The following PHACTR1 variants were observed in gnomAD, a reference collection of about 807,000 sequenced individuals.
PHACTR1 encodes RPEL repeat containing 1.
A neutral mutation model predicts 69.2 loss-of-function variants in PHACTR1; 16 were observed. That is an observed-to-expected ratio of 0.23 (90% CI 0.16 to 0.35). The LOEUF is 0.35. Among genes scored for constraint, PHACTR1 ranks in the 10% least tolerant of loss-of-function variants. The pLI is 1.00. For synonymous variants in PHACTR1, 312 were observed against 284.5 expected (o/e 1.10, Z -0.97); for missense variants, 510 against 734.7 (o/e 0.69, Z 3.54).
intron 4 of PHACTR1, among the ~76,000 whole-genome samples, chr6:12,804,638 A>G (rs9463140): frequency 0.07 from 10,595 of 152,232 alleles, 466 homozygotes; most frequent in Admixed American, 0.1. Flanking sequence ...CTTGGGCAAC[A>G]TGGCGAAACC....
chr6:13,199,402 A>C (rs923457379), intron 7 of PHACTR1, among the ~76,000 whole-genome samples: 3 of 151,076 alleles, frequency 2.0e-5, no homozygotes, highest in Non-Finnish European at 4.4e-5. Context: ...AAAAAAAAAA[A>C]AAAAAAAAAA....
chr6:13,187,592 T>C (rs141163543), intron 7 of PHACTR1, among the ~76,000 whole-genome samples: 1 of 152,286 alleles, frequency 6.6e-6, no homozygotes, highest in East Asian at 1.9e-4. Flanking sequence ...AGGAGTGATA[T>C]GATGAAAACT....
chr6:12,912,820 G>A lies in PHACTR1; in HGVS notation c.251-140545G>A, dbSNP rs557457514. Among the ~76,000 whole-genome samples, 33 of 152,262 alleles carry A rather than the reference G, an allele frequency of 2.2e-4. 1 individual carries two copies. The highest frequency in any genetic ancestry group is 8.3e-4 in the South Asian group (4 of 4,820). ...ATACAAAAAATTAGCCAGGTGTGGT[G>A]GTGCGTGCCTGTAGCCCCAGCTACT... On this transcript the variant is annotated intron_variant, in intron 4 of 14. Coordinates refer to ENST00000332995, the MANE Select transcript of PHACTR1 (RefSeq NM_030948.6).
intron 4 of PHACTR1, among the ~76,000 whole-genome samples, chr6:12,975,999 G>A (rs557840394): frequency 1.2e-4 from 18 of 152,182 alleles, no homozygotes; most frequent in East Asian, 5.8e-4. Context: ...TATATGGGGC[G>A]GGAGGAATGG....
chr6:12,866,463 C>T (rs1202738981), intron 4 of PHACTR1, among the ~76,000 whole-genome samples: 1 of 152,156 alleles, frequency 6.6e-6, no homozygotes, highest in Non-Finnish European at 1.5e-5. Flanking sequence ...CCATTTCTCT[C>T]TCCCTGAAAA....
intron 7 of PHACTR1, among the ~76,000 whole-genome samples, chr6:13,194,910 G>A (rs3864313): frequency 6.6e-6 from 1 of 151,938 alleles, no homozygotes; most frequent in African/African-American, 2.4e-5. Flanking sequence ...ATCTGAGGAC[G>A]GTCCTCACGG....
At chr6:13,104,663 C>T (rs1214769931) in intron 5 of PHACTR1, among the ~76,000 whole-genome samples, 11 of 152,130 alleles carry the variant, frequency 7.2e-5, no homozygotes, top group African/African-American at 2.2e-4. Flanking sequence ...TAGGAGATCC[C>T]ATTGAATATA....
chr6:13,137,973 A>G (rs1286601449), intron 5 of PHACTR1, among the ~76,000 whole-genome samples: 1 of 152,248 alleles, frequency 6.6e-6, no homozygotes, highest in East Asian at 1.9e-4. Context: ...AACAGCAACC[A>G]TTGTCAAAGA....
intron 4 of PHACTR1, among the ~76,000 whole-genome samples, chr6:12,845,435 C>CCG (rs1371866699): frequency 1.7e-5 from 1 of 58,758 alleles, no homozygotes; most frequent in Non-Finnish European, 4.4e-5. Flanking sequence ...ACCCACCCCC[C>CCG]CCCCCCCCGC....
chr6:13,013,858 G>A (rs1472348384), intron 4 of PHACTR1, among the ~76,000 whole-genome samples: 85 of 149,024 alleles, frequency 5.7e-4, no homozygotes, highest in Non-Finnish European at 2.4e-4. Flanking sequence ...GGCCGGAGCA[G>A]CGCCCGGCCC....
chr6:12,855,503 G>A (rs1780257332), intron 4 of PHACTR1, among the ~76,000 whole-genome samples: 1 of 152,184 alleles, frequency 6.6e-6, no homozygotes, highest in Non-Finnish European at 1.5e-5. Flanking sequence ...CAATACTGAT[G>A]CGGTTGGAGG....
chr6:12,770,252 C>A (rs1288102945), intron 4 of PHACTR1, among the ~76,000 whole-genome samples: 1 of 152,216 alleles, frequency 6.6e-6, no homozygotes, highest in African/African-American at 2.4e-5. Flanking sequence ...ATCTATTTAG[C>A]ATCTCCTATG....
At chr6:13,161,204 C>T (rs1279642158) in intron 6 of PHACTR1, among the ~76,000 whole-genome samples, 1 of 152,160 alleles carries the variant, frequency 6.6e-6, no homozygotes, top group Non-Finnish European at 1.5e-5. Context: ...GTCTCAAACT[C>T]CTGGGCTCAA....
rs554914191 is a variant in PHACTR1 at position 13,277,968 on chromosome 6, C to T, written c.1448-300C>T. ...GTGTCAAAAAAAAAAAAAAAACCTA[C>T]CTTCCTGCCTTGTAGCCACATTTCT... On this transcript the variant is annotated intron_variant, in intron 11 of 14. Transcript: ENST00000332995. 15 of 178,444 alleles carry T rather than the reference C, an allele frequency of 8.4e-5. No individual in the cohort carries two copies. The East Asian group carries it at 1.5e-3, about 17-fold the overall frequency. The allele number at this position is 178,444 out of a possible 1,614,324, so 11.1% of individuals were successfully genotyped here.
chr6:12,877,354 A>G (rs578183462), intron 4 of PHACTR1, among the ~76,000 whole-genome samples: 1 of 152,326 alleles, frequency 6.6e-6, no homozygotes, highest in Admixed American at 6.5e-5. Flanking sequence ...TATATGATCA[A>G]CAAAGGCTTT....
chr6:12,912,534 T>C (rs952585461), intron 4 of PHACTR1, among the ~76,000 whole-genome samples: 1 of 152,214 alleles, frequency 6.6e-6, no homozygotes, highest in Admixed American at 6.5e-5. Context: ...ATGCAAGGGA[T>C]GTAGATGTTA....
intron 3 of PHACTR1, among the ~76,000 whole-genome samples, chr6:12,723,334 A>C (rs2127560081): frequency 6.6e-6 from 1 of 152,246 alleles, no homozygotes; most frequent in African/African-American, 2.4e-5. Context: ...GGGGCTTGTT[A>C]GGAATGTAGC....
At chr6:13,277,708 G>A (rs1447550565) in intron 11 of PHACTR1, among the ~76,000 whole-genome samples, 1 of 152,188 alleles carries the variant, frequency 6.6e-6, no homozygotes, top group Non-Finnish European at 1.5e-5. Context: ...AGCACTTTGA[G>A]AGGCCAAGGC....
intron 4 of PHACTR1, among the ~76,000 whole-genome samples, chr6:12,856,577 T>C (rs922568146): frequency 1.3e-5 from 2 of 152,150 alleles, no homozygotes; most frequent in African/African-American, 4.8e-5. Flanking sequence ...TTTCTTAAAT[T>C]ATCTGAAAAA....
Sources: gnomAD v4.1 joint callset for allele counts (sites outside exome capture counted in the v4.1 genomes callset) on GRCh38, gnomAD v4.1.1 for gene constraint, MANE v1.5 for transcripts, NCBI Gene and HGNC (gene_info 2026-07-23, HGNC 2026-07-21) for gene names.